The following MRPL24 variants were observed in gnomAD, a reference collection of about 807,000 sequenced individuals.
MRPL24 encodes mitochondrial ribosomal protein L24, also known as large ribosomal subunit protein uL24m.
MRPL24 carries 15 observed loss-of-function variants against 26.9 expected under a neutral mutation model. The observed-to-expected ratio is 0.56, with a 90% CI of 0.37 to 0.86. MRPL24 has a LOEUF of 0.86. MRPL24 is among the 40% of genes least tolerant of loss of function. MRPL24 has a pLI of 0.00. For synonymous variants in MRPL24, 92 were observed against 102.4 expected (o/e 0.90, Z 0.62); for missense variants, 241 against 281.4 (o/e 0.86, Z 1.03).
chr1:156,739,959 G>A (rs981340337), intron 1 of MRPL24, among the ~76,000 whole-genome samples: 10 of 152,098 alleles, frequency 6.6e-5, no homozygotes, highest in Non-Finnish European at 4.4e-5. Context: ...GAGCCACCAC[G>A]CCCATCCAGC....
chr1:156,741,709 AC>A (rs1334680183), upstream of MRPL24: 1 of 152,092 alleles, frequency 6.6e-6, no homozygotes, highest in Non-Finnish European at 1.5e-5. Flanking sequence ...GGTGGCAGGT[AC>A]CCCTAGCATT....
At chr1:156,738,500 A>AC in intron 2 of MRPL24, 22 bp downstream of exon 2, 1 of 1,613,790 alleles carries the variant, frequency 6.2e-7, no homozygotes, top group Non-Finnish European at 8.5e-7. Context: ...CCATCACTCT[A>AC]CCCCCTGTAT....
At chr1:156,738,239 C>T (rs753554013) in intron 3 of MRPL24, 104 bp downstream of exon 3, 3 of 1,515,124 alleles carry the variant, frequency 2.0e-6, no homozygotes, top group Non-Finnish European at 2.7e-6. Context: ...TTCAGTAATG[C>T]CGCCATCCCC....
At position 156,738,431 on chromosome 1, in the gene MRPL24, A is replaced by G; in HGVS notation, c.191T>C (p.Ile64Thr). ...WYLFCGDTVE[I>T]LEGKDAGKQG... ...CTTCCCGGCATCCTTGCCTTCTAGG[A>G]TCTCCACCTGTGGGAAGATACGAAG... is the stretch of plus-strand genomic sequence containing the variant. Residue 64 changes from isoleucine to threonine, a missense_variant, in exon 3 of 6, where the codon ATC (isoleucine) becomes ACC (threonine). Coordinates refer to ENST00000361531, the MANE Select transcript of MRPL24 (RefSeq NM_145729.3). The G allele has an allele frequency of 6.2e-7, 1 of 1,613,848 alleles. No homozygotes were observed. The highest frequency in any genetic ancestry group is 8.5e-7 in the Non-Finnish European group (1 of 1,179,854).
At chr1:156,737,827 C>T in intron 4 of MRPL24, 51 bp from the exon 5 acceptor site, 2 of 1,603,914 alleles carry the variant, frequency 1.2e-6, no homozygotes, top group Non-Finnish European at 1.7e-6. Context: ...TTCCTGCCAC[C>T]CTCCAACCCA....
At position 156,738,666 on chromosome 1, in the gene MRPL24, G is replaced by A. The variant is rs1249768489; in HGVS notation, c.39C>T (p.Val13=). 6.3e-7 allele frequency: 1 copy of A among 1,595,072 alleles called. No homozygotes were observed. Among genetic ancestry groups the A allele is most frequent in the Non-Finnish European group, 8.5e-7 (1 of 1,174,858 alleles). Residue 13 remains valine, a synonymous_variant, in exon 2 of 6, where the codon GTC becomes GTT. Transcript: ENST00000361531. ...CATAGCGGTAATGGGGGGGCAGAGT[G>A]ACCTTGGATGCCAAGGCCAGCAGGG... is the stretch of plus-strand genomic sequence containing the variant. ...LSALLALASK[V]TLPPHYRYGM...
chr1:156,738,009 T>G, intron 4 of MRPL24, 22 bp downstream of exon 4: 1 of 1,610,666 alleles, frequency 6.2e-7, no homozygotes, highest in South Asian at 1.1e-5. Flanking sequence ...AGAAACCCTC[T>G]GCCCAGAGCC....
chr1:156,738,466 G>C, intron 2 of MRPL24, 28 bp from the exon 3 acceptor site: 1 of 1,613,690 alleles, frequency 6.2e-7, no homozygotes, highest in Non-Finnish European at 8.5e-7. Flanking sequence ...GGTTAGGGAG[G>C]GGGATCCTTG....
chr1:156,738,193 A>G, intron 3 of MRPL24, 59 bp from the exon 4 acceptor site: 3 of 1,582,068 alleles, frequency 1.9e-6, no homozygotes, highest in Non-Finnish European at 2.6e-6. Context: ...TGCCCTTGCT[A>G]CTCGGCGCAT....
At position 156,738,067 on chromosome 1, in the gene MRPL24, A is replaced by G. The variant is rs373131624; in HGVS notation, c.347T>C (p.Leu116Pro). 18 of 1,613,996 alleles carry G rather than the reference A, an allele frequency of 1.1e-5. No homozygotes were observed. Among genetic ancestry groups the G allele is most frequent in the Non-Finnish European group, 1.4e-5 (17 of 1,180,020 alleles). ...GTMIPSEAPL[L>P]HRQVKLVDPM... Reference sequence around the variant, plus strand: ...ATCCACAAGTTTGACCTGGCGGTGGAGCAAGGGGGCTTCACTAGGGATCAT... The same window carrying G: ...ATCCACAAGTTTGACCTGGCGGTGGGGCAAGGGGGCTTCACTAGGGATCAT... The change falls in exon 4 of 6, where the codon CTC becomes CCC. Residue 116 changes from leucine (L) to proline (P), a missense_variant. Leu to Pro is a moderately conservative substitution (Grantham distance 98). Transcript: ENST00000361531.
intron 1 of MRPL24, among the ~76,000 whole-genome samples, chr1:156,739,181 C>T (rs532823242): frequency 6.6e-5 from 10 of 152,044 alleles, no homozygotes; most frequent in Admixed American, 1.3e-4. Context: ...AAATAGGTAG[C>T]AGAAATAAAA....
rs761469567 is a variant in MRPL24 at position 156,738,121 on chromosome 1, A to G, written c.293T>C (p.Ile98Thr). The stretch of plus-strand genomic sequence containing the variant: ...TCCCCGGTAATCCATGGTCTTGCCA[A>G]TGTAGCGGTAATGCTGTCCAAGAGA... ...VGGLNTHYRY[I>T]GKTMDYRGTM... The change falls in exon 4 of 6, where the codon ATT becomes ACT. Residue 98 changes from isoleucine (I) to threonine (T), a missense_variant. Coordinates refer to ENST00000361531, the MANE Select transcript of MRPL24 (RefSeq NM_145729.3). 1.9e-6 allele frequency: 3 copies of G among 1,613,998 alleles called. No individual in the cohort carries two copies. Among genetic ancestry groups the G allele is most frequent in the Non-Finnish European group, 2.5e-6 (3 of 1,180,006 alleles).
At position 156,738,502 on chromosome 1, in the gene MRPL24, C is replaced by T; in HGVS notation, c.183+20G>A. On this transcript the variant is annotated intron_variant, in intron 2 of 5. Coordinates refer to ENST00000361531, the MANE Select transcript of MRPL24 (RefSeq NM_145729.3). ...CCCAGGAGGTTCCCCATCACTCTAC[C>T]CCCTGTATGAGGCTCTCACCGTGTC... 6.2e-7 allele frequency: 1 copy of T among 1,614,026 alleles called. No homozygotes were observed.
chr1:156,738,013 C>T lies in MRPL24; in HGVS notation c.383+18G>A. On this transcript the variant is annotated intron_variant, in intron 4 of 5. Transcript: ENST00000361531. ...CCCAGAGGGTGAGAAACCCTCTGCC[C>T]AGAGCCCCGTTGCTTGCCTGTCCAT... 6.2e-7 allele frequency: 1 copy of T among 1,612,098 alleles called. No homozygotes were observed. The highest frequency in any genetic ancestry group is 8.5e-7 in the Non-Finnish European group (1 of 1,178,308).
chr1:156,738,595 G>T lies in MRPL24; in HGVS notation c.110C>A (p.Pro37Gln). The change falls in exon 2 of 6, where the codon CCA becomes CAA. Residue 37 changes from proline to glutamine, a missense_variant. Physicochemically the swap from Pro to Gln is moderately conservative, Grantham distance 76. Transcript: ENST00000361531. ...AACCACTGGGCGCCGCCTGATCCATGGGGGGTTCTTCCTCTTGTCTGCAAC... is the reference window on the plus strand; with the variant it reads ...AACCACTGGGCGCCGCCTGATCCATTGGGGGTTCTTCCTCTTGTCTGCAAC... ...GSVADKRKNP[P>Q]WIRRRPVVVE... 6.2e-7 allele frequency: 1 copy of T among 1,613,706 alleles called. No individual in the cohort carries two copies. The highest frequency in any genetic ancestry group is 2.2e-5 in the East Asian group (1 of 44,870).
intron 1 of MRPL24, among the ~76,000 whole-genome samples, chr1:156,739,187 T>A (rs932400490): frequency 6.6e-6 from 1 of 151,966 alleles, no homozygotes; most frequent in Admixed American, 6.6e-5. Context: ...GTAGCAGAAA[T>A]AAAAACTGGG....
chr1:156,738,097 C>G lies in MRPL24; in HGVS notation c.317G>C (p.Gly106Ala). Reference sequence around the variant, plus strand: ...GGGGGCTTCACTAGGGATCATGGTTCCCCGGTAATCCATGGTCTTGCCAAT... The same window carrying G: ...GGGGGCTTCACTAGGGATCATGGTTGCCCGGTAATCCATGGTCTTGCCAAT... ...RYIGKTMDYRGTMIPSEAPLL... is the reference protein window; with the variant it reads ...RYIGKTMDYRATMIPSEAPLL... Residue 106 changes from glycine (G) to alanine (A), a missense_variant, in exon 4 of 6, where the codon GGA (glycine) becomes GCA (alanine). Coordinates refer to ENST00000361531, the MANE Select transcript of MRPL24 (RefSeq NM_145729.3). The G allele has an allele frequency of 6.2e-7, 1 of 1,614,166 alleles. No individual in the cohort carries two copies. The highest frequency in any genetic ancestry group is 8.5e-7 in the Non-Finnish European group (1 of 1,180,018).
chr1:156,737,974 C>G (rs541606936), intron 4 of MRPL24, 57 bp downstream of exon 4: 22 of 1,548,194 alleles, frequency 1.4e-5, no homozygotes, highest in Non-Finnish European at 1.8e-5. Flanking sequence ...TCCCATTGGA[C>G]AGCACTTTTT....
chr1:156,740,467 A>G (rs898145962), intron 1 of MRPL24: 3 of 152,190 alleles, frequency 2.0e-5, no homozygotes, highest in Admixed American at 6.5e-5. Flanking sequence ...GACAAACCTA[A>G]TGCTGGGAAT....
Sources: allele counts gnomAD v4.1 joint callset (sites outside exome capture counted in the v4.1 genomes callset), GRCh38; gene constraint gnomAD v4.1.1; transcripts MANE v1.5; gene names NCBI Gene and HGNC (gene_info 2026-07-23, HGNC 2026-07-21).